The following RGPD2 variants were observed in gnomAD, a reference collection of about 807,000 sequenced individuals.
RGPD2 encodes the protein RANBP2 like and GRIP domain containing 2.
Under a neutral mutation model 36.0 loss-of-function variants are expected in RGPD2, and 2 were observed. The ratio of observed to expected loss-of-function variants is 0.06; its 90% confidence interval spans 0.02 to 0.17. The LOEUF (loss-of-function observed/expected upper bound fraction) is 0.17. RGPD2 is among the 10% of genes least tolerant of loss of function. The pLI is 1.00. For synonymous variants in RGPD2, 19 were observed against 163.8 expected (o/e 0.12, Z 6.75); for missense variants, 40 against 464.3 (o/e 0.09, Z 8.40).
the RGPD2 span, among the ~76,000 whole-genome samples, chr2:87,885,548 A>G: frequency 6.6e-6 from 1 of 151,052 alleles, no homozygotes; most frequent in Non-Finnish European, 1.5e-5. Context: ...ATAAAAGAGG[A>G]TGAAGTAAAA....
chr2:87,972,768 G>A, the RGPD2 span: 21 of 1,611,518 alleles, frequency 1.3e-5, no homozygotes, highest in African/African-American at 2.7e-4. Context: ...CCCTACCTCT[G>A]TGAGAGTGGT....
the RGPD2 span, among the ~76,000 whole-genome samples, chr2:87,955,159 GC>G: frequency 1.2e-5 from 1 of 86,814 alleles, no homozygotes; most frequent in Non-Finnish European, 2.2e-5. Flanking sequence ...GACTACAGGC[GC>G]CCCGCCACAA....
chr2:87,952,455 C>A, the RGPD2 span, among the ~76,000 whole-genome samples: 5 of 152,110 alleles, frequency 3.3e-5, no homozygotes, highest in Non-Finnish European at 5.9e-5. Context: ...ATGAGGCCAA[C>A]ACAGAGAAAC....
upstream of RGPD2, among the ~76,000 whole-genome samples, chr2:87,826,232 GA>G (rs1190169721): frequency 6.6e-6 from 1 of 151,542 alleles, no homozygotes; most frequent in Non-Finnish European, 1.5e-5. Context: ...AATTCAAATG[GA>G]AATCTGATTC....
the RGPD2 span, among the ~76,000 whole-genome samples, chr2:87,936,984 C>G: frequency 3.4e-5 from 5 of 146,018 alleles, no homozygotes; most frequent in Admixed American, 1.4e-4. Flanking sequence ...TACTAAGGGC[C>G]TGGACTGTTG....
the RGPD2 span, among the ~76,000 whole-genome samples, chr2:87,938,229 A>T: frequency 6.6e-6 from 1 of 151,824 alleles, no homozygotes; most frequent in Non-Finnish European, 1.5e-5. Context: ...TGTGACAATT[A>T]GTAAAAGGTT....
At chr2:87,971,638 T>G in the RGPD2 span, among the ~76,000 whole-genome samples, 1 of 149,118 alleles carries the variant, frequency 6.7e-6, no homozygotes, top group Non-Finnish European at 1.5e-5. Context: ...GATTTTTATG[T>G]AGTTTTATGT....
the RGPD2 span, among the ~76,000 whole-genome samples, chr2:87,881,012 C>T: frequency 3.4e-5 from 5 of 148,430 alleles, no homozygotes; most frequent in South Asian, 6.4e-4. Flanking sequence ...CAAACAGGGC[C>T]GTAATTAAAT....
At chr2:87,974,112 C>G in the RGPD2 span, among the ~76,000 whole-genome samples, 1 of 147,888 alleles carries the variant, frequency 6.8e-6, no homozygotes, top group East Asian at 2.0e-4. Context: ...TCAAGGTCAC[C>G]CACCTGTGAG....
chr2:87,870,200 C>A, the RGPD2 span, among the ~76,000 whole-genome samples: 1 of 152,284 alleles, frequency 6.6e-6, no homozygotes, highest in Non-Finnish European at 1.5e-5. Flanking sequence ...AGGCTACTAG[C>A]CATGTAAAGA....
At chr2:87,980,170 G>A in the RGPD2 span, among the ~76,000 whole-genome samples, 1 of 151,786 alleles carries the variant, frequency 6.6e-6, no homozygotes, top group Non-Finnish European at 1.5e-5. Flanking sequence ...GGCCAACATG[G>A]TGAAACCCTG....
chr2:87,825,223 C>G (rs1038420684), intron 1 of RGPD2: 1 of 393,154 alleles, frequency 2.5e-6, no homozygotes. Context: ...CATCAACAAC[C>G]GACTAATTAC....
the RGPD2 span, among the ~76,000 whole-genome samples, chr2:87,872,897 T>C: frequency 1.3e-5 from 2 of 152,218 alleles, no homozygotes; most frequent in African/African-American, 4.8e-5. Context: ...GTAGCTGAGA[T>C]TACAGGCACG....
chr2:87,885,527 AG>A, the RGPD2 span, among the ~76,000 whole-genome samples: 4 of 151,446 alleles, frequency 2.6e-5, no homozygotes, highest in Admixed American at 2.6e-4. Flanking sequence ...AGAGAAATAA[AG>A]GACATCCAAA....
intron 1 of RGPD2, among the ~76,000 whole-genome samples, chr2:87,824,708 G>C (rs1325391600): frequency 8.2e-5 from 8 of 97,772 alleles, no homozygotes; most frequent in South Asian, 8.0e-4. Flanking sequence ...GTGAGGCCGA[G>C]GCCGAGGCCG....
chr2:87,872,940 A>C, the RGPD2 span, among the ~76,000 whole-genome samples: 3 of 152,356 alleles, frequency 2.0e-5, no homozygotes, highest in Non-Finnish European at 4.4e-5. Flanking sequence ...TTGTATTCTT[A>C]GTAGAGACGA....
Position 87,825,658 on chromosome 2 carries a change from C to A in RGPD2, c.72G>T (p.Lys24Asn). 6.3e-7 allele frequency: 1 copy of A among 1,580,556 alleles called. No individual in the cohort carries two copies. The highest frequency in any genetic ancestry group is 8.6e-7 in the Non-Finnish European group (1 of 1,163,938). The change falls in exon 1 of 23, where the codon AAG becomes AAT. Residue 24 changes from lysine to asparagine, a missense_variant and splice_region_variant. Physicochemically the swap from Lys to Asn is moderately conservative, Grantham distance 94. Transcript: ENST00000398146. Reference protein sequence around the residue: ...SVQGSAPSPGKKLRGFYFAKL... With the variant: ...SVQGSAPSPGNKLRGFYFAKL... ...GTCGGTCTCTTCGAGATCCACTCAC[C>A]TTTCCAGGCGACGGGGCGGAGCCCT...
the RGPD2 span, among the ~76,000 whole-genome samples, chr2:87,913,871 C>G: frequency 8.8e-4 from 133 of 151,306 alleles, no homozygotes; most frequent in African/African-American, 3.1e-3. Flanking sequence ...ATAATTTCTA[C>G]CTGACACTCT....
chr2:87,972,183 A>G, the RGPD2 span, among the ~76,000 whole-genome samples: 125 of 152,088 alleles, frequency 8.2e-4, no homozygotes, highest in African/African-American at 2.8e-3. Flanking sequence ...GGTACAAAAC[A>G]CTATCACATA....
Sources: gnomAD v4.1 joint callset for allele counts (sites outside exome capture counted in the v4.1 genomes callset) on GRCh38, gnomAD v4.1.1 for gene constraint, MANE v1.5 for transcripts, NCBI Gene and HGNC (gene_info 2026-07-23, HGNC 2026-07-21) for gene names.